GFRA1: variants seen among roughly 807,000 people sequenced by gnomAD.
GFRA1 encodes GDNF family receptor alpha-1.
In GFRA1, 16 loss-of-function variants were observed where a neutral mutation model predicts 51.6. The ratio of observed to expected loss-of-function variants is 0.31; its 90% CI spans 0.21 to 0.47. The LOEUF is 0.47. Ranked by LOEUF, GFRA1 falls within the 20% of genes least tolerant of loss-of-function variation. GFRA1 has a pLI of 1.00. For synonymous variants in GFRA1, 270 were observed against 241.3 expected, an observed-to-expected ratio of 1.12 and a Z score of -1.10; for missense variants, 530 against 594.3, an observed-to-expected ratio of 0.89 and a Z score of 1.13.
chr10:116,186,102 T>C (rs1285971552), intron 5 of GFRA1, among the ~76,000 whole-genome samples: 1 of 152,170 alleles, frequency 6.6e-6, no homozygotes, highest in Non-Finnish European at 1.5e-5. Context: ...CGGCAGCTAT[T>C]CTATAGCTTG....
Position 116,096,758 on chromosome 10 carries a change from G to A in GFRA1, c.777C>T (p.Arg259=), listed in dbSNP as rs1475386199. ...SCKTNYICRS[R]LADFFTNCQP... Reference sequence around the variant, plus strand: ...GGCAGTTGGTAAAAAAATCCGCAAGGCGAGATCTACAATAGGAAAAAAGGG... The same window carrying A: ...GGCAGTTGGTAAAAAAATCCGCAAGACGAGATCTACAATAGGAAAAAAGGG... The change falls in exon 7 of 11, where the codon CGC becomes CGT. Residue 259 remains arginine, a synonymous_variant. Transcript: ENST00000355422. 11 of 1,579,974 alleles carry A rather than the reference G, an allele frequency of 7.0e-6. No homozygotes were observed. The highest frequency in any genetic ancestry group is 1.7e-4 in the Middle Eastern group (1 of 5,972).
upstream of GFRA1, among the ~76,000 whole-genome samples, chr10:116,274,326 A>C (rs1844141515): frequency 6.6e-6 from 1 of 152,178 alleles, no homozygotes; most frequent in Non-Finnish European, 1.5e-5. Flanking sequence ...CCGAGTTTGA[A>C]TCAAATCTGC....
chr10:116,059,083 C>T lies in GFRA1; in HGVS notation c.*5315G>A, dbSNP rs937265138. ...CAGACCCTTTCTCCTAGGTCACCCT[C>T]AAAAACCTCAGGAGGACACATTCAG... On this transcript the variant is annotated 3_prime_UTR_variant, in exon 11 of 11. Transcript: ENST00000355422. 3.3e-5 allele frequency: 5 copies of T among 152,190 alleles called. No individual in the cohort carries two copies. Among genetic ancestry groups the T allele is most frequent in the Admixed American group, 2.6e-4 (4 of 15,276 alleles). The allele number at this position is 152,190 out of a possible 1,614,324, so 9.4% of individuals were successfully genotyped here. A position where few individuals can be genotyped will look rare whatever the true frequency, so the allele number is the denominator to read the frequency against.
intron 9 of GFRA1, among the ~76,000 whole-genome samples, chr10:116,066,307 G>A (rs1478817863): frequency 3.9e-5 from 6 of 152,100 alleles, no homozygotes; most frequent in Admixed American, 1.3e-4. Flanking sequence ...AGAATCCGGG[G>A]CTAAGGCACA....
At chr10:116,070,968 T>C (rs1955363203) in intron 9 of GFRA1, among the ~76,000 whole-genome samples, 1 of 152,174 alleles carries the variant, frequency 6.6e-6, no homozygotes, top group African/African-American at 2.4e-5. Context: ...CTGAATAATG[T>C]CCAGTAAAGT....
intron 5 of GFRA1, among the ~76,000 whole-genome samples, chr10:116,191,884 G>A (rs146708584): frequency 0.014 from 2,176 of 152,114 alleles, 65 homozygotes; most frequent in African/African-American, 0.05. Context: ...AAAATTAGCC[G>A]GGCGTGGTGG....
At position 116,273,174 on chromosome 10, in the gene GFRA1, C is replaced by G. The variant is rs569995055; in HGVS notation, c.-258G>C. 1 of 152,224 alleles carries G rather than the reference C, an allele frequency of 6.6e-6. No homozygotes were observed. The highest frequency in any genetic ancestry group is 1.5e-5 in the Non-Finnish European group (1 of 68,056). 9.4% of individuals were successfully genotyped at this position (152,224 alleles called of 1,614,324 possible). Reference sequence around the variant, plus strand: ...CAAATGCCACCAACCTGGACTCAACCGACCGCGTCCAGCTGCGGCGAGGAG... The same window carrying G: ...CAAATGCCACCAACCTGGACTCAACGGACCGCGTCCAGCTGCGGCGAGGAG... On this transcript the variant is annotated 5_prime_UTR_variant, in exon 1 of 11. Coordinates refer to ENST00000355422, the MANE Select transcript of GFRA1 (RefSeq NM_005264.8).
chr10:116,267,192 C>T (rs1383734105), intron 4 of GFRA1, among the ~76,000 whole-genome samples: 3 of 152,028 alleles, frequency 2.0e-5, no homozygotes, highest in Non-Finnish European at 2.9e-5. Flanking sequence ...CGGGCAGGCA[C>T]GGTGGCTCAC....
chr10:116,116,196 G>A (rs539022730), intron 6 of GFRA1, among the ~76,000 whole-genome samples: 23 of 152,290 alleles, frequency 1.5e-4, no homozygotes, highest in African/African-American at 5.5e-4. Flanking sequence ...CCAGGTTCAA[G>A]CGATTCTCCT....
At chr10:116,189,891 G>GT (rs1035283665) in intron 5 of GFRA1, among the ~76,000 whole-genome samples, 27 of 148,434 alleles carry the variant, frequency 1.8e-4, no homozygotes, top group Admixed American at 2.7e-4. Context: ...TTAGGCCAGG[G>GT]TTTTTTTTTT....
intron 9 of GFRA1, 144 bp from the exon 10 acceptor site, chr10:116,065,770 T>C (rs1955077927): frequency 3.0e-6 from 2 of 668,040 alleles, no homozygotes; most frequent in Non-Finnish European, 5.4e-6. Flanking sequence ...GAACATTTTC[T>C]AGTAGCCATG....
chr10:116,129,178 G>C (rs550620345), intron 5 of GFRA1, among the ~76,000 whole-genome samples: 1 of 152,222 alleles, frequency 6.6e-6, no homozygotes, highest in East Asian at 1.9e-4. Context: ...TTCCGAACTT[G>C]ACATTTGAGG....
chr10:116,079,622 C>G (rs912339886), intron 9 of GFRA1, among the ~76,000 whole-genome samples: 3 of 152,126 alleles, frequency 2.0e-5, no homozygotes, highest in African/African-American at 4.8e-5. Context: ...AAAGGTGCTA[C>G]TGGTATCCGG....
At chr10:116,175,901 A>G (rs4237498) in intron 5 of GFRA1, among the ~76,000 whole-genome samples, 150,576 of 152,220 alleles carry the variant, frequency 0.99, 74,491 homozygotes, top group East Asian at 1. Flanking sequence ...AAGCAGGCCC[A>G]CATGTGAGGT....
At chr10:116,180,361 T>C (rs1962092388) in intron 5 of GFRA1, among the ~76,000 whole-genome samples, 2 of 152,184 alleles carry the variant, frequency 1.3e-5, no homozygotes, top group Non-Finnish European at 2.9e-5. Flanking sequence ...AAAATTTTCT[T>C]TTGTGAATCT....
chr10:116,231,663 T>C (rs551249516), intron 4 of GFRA1, among the ~76,000 whole-genome samples: 16 of 152,348 alleles, frequency 1.1e-4, no homozygotes, highest in Admixed American at 1.0e-3. Flanking sequence ...ATTCTAGACC[T>C]TTGTCTTTTG....
At position 116,060,638 on chromosome 10, in the gene GFRA1, T is replaced by C. The variant is rs1325880414; in HGVS notation, c.*3760A>G. 2 of 152,166 alleles carry C rather than the reference T, an allele frequency of 1.3e-5. No individual in the cohort carries two copies. The highest frequency in any genetic ancestry group is 4.8e-5 in the African/African-American group (2 of 41,436). The allele number at this position is 152,166 out of a possible 1,614,324, so 9.4% of individuals were successfully genotyped here. A position where few individuals can be genotyped will look rare whatever the true frequency, so the allele number is the denominator to read the frequency against. On this transcript the variant is annotated 3_prime_UTR_variant, in exon 11 of 11. Coordinates refer to ENST00000355422, the MANE Select transcript of GFRA1 (RefSeq NM_005264.8). ...TGCTTTTAGGTCGTTCTTGAAAAGA[T>C]GGGTGTCACATAGTCTGATGTGCTT...
intron 5 of GFRA1, among the ~76,000 whole-genome samples, chr10:116,186,331 C>T (rs112005577): frequency 3.2e-4 from 49 of 152,320 alleles, no homozygotes; most frequent in Non-Finnish European, 5.3e-4. Context: ...GAAGCAACCT[C>T]CCCAAGGAAC....
intron 5 of GFRA1, among the ~76,000 whole-genome samples, chr10:116,209,059 C>T (rs761729231): frequency 8.5e-5 from 13 of 152,106 alleles, no homozygotes; most frequent in Non-Finnish European, 1.2e-4. Context: ...GCAAGCCCAC[C>T]GGTCCTTAAC....
Sources: gnomAD v4.1 joint callset for allele counts (sites outside exome capture counted in the v4.1 genomes callset) on GRCh38, gnomAD v4.1.1 for gene constraint, MANE v1.5 for transcripts, NCBI Gene and HGNC (gene_info 2026-07-23, HGNC 2026-07-21) for gene names.